Variants in PDE1C observed in about 807,000 individuals in gnomAD.
PDE1C encodes the protein dual specificity calcium/calmodulin-dependent 3',5'-cyclic nucleotide phosphodiesterase 1C.
Under a neutral mutation model 93.1 loss-of-function variants are expected in PDE1C, and 62 were observed. The observed-to-expected ratio is 0.67, with a 90% CI of 0.54 to 0.82. The LOEUF is 0.82. Ranked by LOEUF, PDE1C falls within the 40% of genes least tolerant of loss-of-function variation. PDE1C has a pLI of 0.00. For synonymous variants in PDE1C, 325 were observed against 310.1 expected (o/e 1.05, Z -0.50); for missense variants, 742 against 884.6 (o/e 0.84, Z 2.04).
chr7:31,956,145 G>A (rs949947657), intron 2 of PDE1C, among the ~76,000 whole-genome samples: 2 of 152,100 alleles, frequency 1.3e-5, no homozygotes, highest in African/African-American at 4.8e-5. Flanking sequence ...CCAGGCTGGA[G>A]TGCAGTGGTG....
At chr7:32,074,703 T>C (rs1796254697), upstream of PDE1C, among the ~76,000 whole-genome samples, 1 of 152,112 alleles carries the variant, frequency 6.6e-6, no homozygotes, top group Non-Finnish European at 1.5e-5. Flanking sequence ...GAAGGTGACA[T>C]TTGAACTGGA....
the PDE1C span, among the ~76,000 whole-genome samples, chr7:31,732,636 TTCTG>T: frequency 1.2e-4 from 12 of 103,204 alleles, no homozygotes; most frequent in Admixed American, 4.4e-4. Context: ...TCTCCTCTCT[TTCTG>T]TGTGTGTGTG....
At chr7:32,215,208 C>T (rs1277485326) in intron 1 of PDE1C, among the ~76,000 whole-genome samples, 3 of 152,088 alleles carry the variant, frequency 2.0e-5, no homozygotes, top group Non-Finnish European at 4.4e-5. Context: ...AGATCAATGG[C>T]GGCATTAGAT....
chr7:32,345,430 C>T (rs1175245297), intron 1 of PDE1C, among the ~76,000 whole-genome samples: 1 of 152,184 alleles, frequency 6.6e-6, no homozygotes, highest in African/African-American at 2.4e-5. Flanking sequence ...CCAATTTCTT[C>T]CTTGAGGAGT....
At chr7:31,839,415 T>G (rs959578383) in intron 9 of PDE1C, among the ~76,000 whole-genome samples, 3 of 148,490 alleles carry the variant, frequency 2.0e-5, no homozygotes, top group Non-Finnish European at 4.5e-5. Context: ...TGTATATACA[T>G]AGACACACAC....
chr7:31,756,706 C>T (rs541796145), intron 17 of PDE1C, among the ~76,000 whole-genome samples: 1 of 152,278 alleles, frequency 6.6e-6, no homozygotes, highest in East Asian at 1.9e-4. Flanking sequence ...CCCACCTCAT[C>T]CCTTCTAGGT....
At chr7:32,371,850 A>G (rs1170479896) in intron 1 of PDE1C, among the ~76,000 whole-genome samples, 3 of 152,202 alleles carry the variant, frequency 2.0e-5, no homozygotes, top group Non-Finnish European at 2.9e-5. Flanking sequence ...AAAGTCATGT[A>G]GGGCCAAGGC....
chr7:31,844,986 C>T (rs886091086), intron 9 of PDE1C, among the ~76,000 whole-genome samples: 28 of 152,044 alleles, frequency 1.8e-4, no homozygotes, highest in East Asian at 3.9e-4. Flanking sequence ...TTTTTCAGTT[C>T]TAAACTTTGT....
intron 17 of PDE1C, among the ~76,000 whole-genome samples, chr7:31,767,702 A>C (rs866130421): frequency 6.6e-6 from 1 of 152,210 alleles, no homozygotes; most frequent in Admixed American, 6.5e-5. Flanking sequence ...AAACAACAGA[A>C]ATTTATTTCT....
chr7:31,733,006 C>G, the PDE1C span, among the ~76,000 whole-genome samples: 3 of 152,134 alleles, frequency 2.0e-5, no homozygotes, highest in Non-Finnish European at 2.9e-5. Flanking sequence ...AAAGCCATTC[C>G]ATAAGGTTGT....
chr7:31,738,879 T>G, the PDE1C span, among the ~76,000 whole-genome samples: 3 of 152,214 alleles, frequency 2.0e-5, no homozygotes, highest in Non-Finnish European at 4.4e-5. Context: ...GTGGTGAGTA[T>G]GTGATGAACT....
intron 1 of PDE1C, among the ~76,000 whole-genome samples, chr7:32,228,638 C>T (rs1028915362): frequency 6.6e-6 from 1 of 152,156 alleles, no homozygotes; most frequent in Middle Eastern, 3.2e-3. Context: ...AACTTCCAAT[C>T]CCCAGTCACT....
At chr7:32,227,804 A>G (rs1405032583) in intron 1 of PDE1C, among the ~76,000 whole-genome samples, 2 of 152,198 alleles carry the variant, frequency 1.3e-5, no homozygotes, top group Non-Finnish European at 2.9e-5. Context: ...TCTCTCTTAG[A>G]TCAATTACTC....
At chr7:31,658,476 G>C in the PDE1C span, 1 of 1,230,582 alleles carries the variant, frequency 8.1e-7, no homozygotes, top group Non-Finnish European at 1.0e-6. Flanking sequence ...AGAGGTTAGA[G>C]TATCAAAGTG....
At chr7:32,210,105 C>T (rs556665323) in intron 1 of PDE1C, among the ~76,000 whole-genome samples, 1 of 152,310 alleles carries the variant, frequency 6.6e-6, no homozygotes, top group South Asian at 2.1e-4. Flanking sequence ...AAACCTTACC[C>T]CTAAAGCTTC....
chr7:32,360,407 C>T (rs1240397501), intron 1 of PDE1C, among the ~76,000 whole-genome samples: 2 of 152,208 alleles, frequency 1.3e-5, no homozygotes, highest in Admixed American at 1.3e-4. Context: ...AGGGCAGTAT[C>T]ACTTTTTCCT....
intron 1 of PDE1C, among the ~76,000 whole-genome samples, chr7:32,370,875 C>G (rs1338854480): frequency 6.6e-6 from 1 of 151,904 alleles, no homozygotes; most frequent in Non-Finnish European, 1.5e-5. Context: ...ATATGGAATA[C>G]TATTCAGCCA....
chr7:31,879,898 GGT>G (rs754105032), intron 3 of PDE1C, among the ~76,000 whole-genome samples: 28 of 152,172 alleles, frequency 1.8e-4, no homozygotes, highest in Admixed American at 7.8e-4. Flanking sequence ...CCAATGTAAA[GGT>G]GTTTGGATTT....
At chr7:31,645,190 C>G in the PDE1C span, among the ~76,000 whole-genome samples, 1 of 151,962 alleles carries the variant, frequency 6.6e-6, no homozygotes, top group Non-Finnish European at 1.5e-5. Context: ...AAGAAGTGTC[C>G]GACTTTAAAA....
Sources: allele counts gnomAD v4.1 joint callset (sites outside exome capture counted in the v4.1 genomes callset), GRCh38; gene constraint gnomAD v4.1.1; transcripts MANE v1.5; gene names NCBI Gene and HGNC (gene_info 2026-07-23, HGNC 2026-07-21).